The following AK7 variants were observed in gnomAD, a reference collection of about 807,000 sequenced individuals.
AK7 encodes the protein adenylate kinase 7, also known as ATP-AMP transphosphorylase 7.
In AK7, 78 loss-of-function variants were observed where a neutral mutation model predicts 96.6. The ratio of observed to expected loss-of-function variants is 0.81; its 90% CI spans 0.67 to 0.97. AK7 has a LOEUF of 0.97. Ranked by LOEUF, AK7 falls within the 50% of genes least tolerant of loss-of-function variation. The pLI, the probability that AK7 is intolerant of heterozygous loss-of-function variation, is 0.00. For synonymous variants in AK7, 302 were observed against 317.2 expected (o/e 0.95, Z 0.51); for missense variants, 855 against 887.9 (o/e 0.96, Z 0.47).
chr14:96,408,295 G>A (rs1488878352), intron 3 of AK7, among the ~76,000 whole-genome samples: 2 of 152,198 alleles, frequency 1.3e-5, no homozygotes, highest in African/African-American at 2.4e-5. Context: ...GGCATGGTGG[G>A]TACAGCATGG....
At chr14:96,427,255 C>CA (rs1015761513) in intron 5 of AK7, among the ~76,000 whole-genome samples, 11 of 151,162 alleles carry the variant, frequency 7.3e-5, no homozygotes, top group East Asian at 1.9e-4. Context: ...CAAAAACAAA[C>CA]AAAAAAAAAT....
At chr14:96,442,260 G>T (rs1302444065) in intron 6 of AK7, among the ~76,000 whole-genome samples, 1 of 152,172 alleles carries the variant, frequency 6.6e-6, no homozygotes, top group African/African-American at 2.4e-5. Context: ...TTCACCCCTG[G>T]ACTGATGGTA....
chr14:96,400,873 T>C (rs1024498585), intron 2 of AK7, among the ~76,000 whole-genome samples: 8 of 152,340 alleles, frequency 5.3e-5, no homozygotes, highest in Admixed American at 3.3e-4. Flanking sequence ...TGGGGTTCTG[T>C]TGGAGAAAAG....
intron 9 of AK7, among the ~76,000 whole-genome samples, chr14:96,450,963 A>G (rs987389861): frequency 2.0e-5 from 3 of 151,668 alleles, no homozygotes; most frequent in Non-Finnish European, 4.4e-5. Context: ...TTTAGTAGAG[A>G]CGAGGTTTCA....
Position 96,410,173 on chromosome 14 carries a change from T to C in AK7, c.498+1232T>C, listed in dbSNP as rs114547102. Among the ~76,000 whole-genome samples, 305 of 152,326 alleles carry C rather than the reference T, an allele frequency of 2.0e-3. 1 individual carries two copies. Among genetic ancestry groups the C allele is most frequent in the African/African-American group, 7.0e-3 (291 of 41,570 alleles). On this transcript the variant is annotated intron_variant, in intron 4 of 17. Transcript: ENST00000267584. ...TCTCCCCTGGTGGACTGAGAACCCC[T>C]TGAGGGCAGGGACCACAGGTTTCAT... is the stretch of plus-strand genomic sequence containing the variant.
chr14:96,420,165 C>G (rs543005295), intron 4 of AK7, among the ~76,000 whole-genome samples: 2 of 151,674 alleles, frequency 1.3e-5, no homozygotes, highest in Non-Finnish European at 2.9e-5. Context: ...TGCGCCTGGC[C>G]TCCTAAAGCA....
At chr14:96,479,868 C>T (rs74090324) in intron 15 of AK7, among the ~76,000 whole-genome samples, 5,584 of 152,182 alleles carry the variant, frequency 0.037, 161 homozygotes, top group African/African-American at 0.076. Context: ...CTCTCTACCC[C>T]CAACTGCCCA....
intron 10 of AK7, among the ~76,000 whole-genome samples, chr14:96,455,256 G>A (rs8015678): frequency 3.3e-5 from 5 of 152,222 alleles, no homozygotes; most frequent in Non-Finnish European, 5.9e-5. Flanking sequence ...AGGCTGAGGC[G>A]GGAGGATTCC....
chr14:96,446,492 G>T (rs754197364), intron 7 of AK7, 25 bp from the exon 8 acceptor site: 3 of 1,604,344 alleles, frequency 1.9e-6, no homozygotes, highest in East Asian at 4.5e-5. Context: ...TCCCTTTGAT[G>T]ATTATTTTAC....
At chr14:96,424,091 G>A (rs1228126299) in intron 5 of AK7, 2 of 684,488 alleles carry the variant, frequency 2.9e-6, no homozygotes, top group Admixed American at 3.9e-5. Context: ...ACCTGGGTGG[G>A]ATCGGGCACG....
intron 12 of AK7, among the ~76,000 whole-genome samples, chr14:96,463,127 A>T (rs1423265238): frequency 6.8e-6 from 1 of 147,870 alleles, no homozygotes; most frequent in East Asian, 1.9e-4. Context: ...ACAGGGCAAG[A>T]CTCCGCCTCA....
chr14:96,443,622 T>G (rs370309023), intron 7 of AK7, among the ~76,000 whole-genome samples: 193 of 152,276 alleles, frequency 1.3e-3, no homozygotes, highest in African/African-American at 4.5e-3. Flanking sequence ...AACCTAATTT[T>G]TATTATTTTT....
At chr14:96,423,975 G>T in intron 5 of AK7, 1 of 935,180 alleles carries the variant, frequency 1.1e-6, no homozygotes, top group Non-Finnish European at 1.8e-6. Flanking sequence ...GCCATTCCCT[G>T]TATTGGGGAT....
intron 6 of AK7, among the ~76,000 whole-genome samples, chr14:96,442,513 G>A (rs922434631): frequency 6.6e-6 from 1 of 151,830 alleles, no homozygotes; most frequent in African/African-American, 2.4e-5. Context: ...TATTTCTCTT[G>A]GCAGAATTTG....
intron 12 of AK7, 112 bp from the exon 13 acceptor site, chr14:96,471,366 A>G: frequency 2.2e-6 from 1 of 455,328 alleles, no homozygotes; most frequent in Non-Finnish European, 3.5e-6. Context: ...CAAAATAGGG[A>G]TTTCCAATAG....
chr14:96,456,670 G>A (rs1261709619), intron 11 of AK7, 195 bp downstream of exon 11: 3 of 514,716 alleles, frequency 5.8e-6, no homozygotes, highest in Non-Finnish European at 9.9e-6. Flanking sequence ...CCTGAGAAGA[G>A]TGTTGACCTT....
intron 8 of AK7, among the ~76,000 whole-genome samples, chr14:96,447,269 C>T (rs1221722985): frequency 6.6e-6 from 1 of 152,190 alleles, no homozygotes; most frequent in East Asian, 1.9e-4. Flanking sequence ...GTTCACCAAC[C>T]TACTGGCCAA....
chr14:96,467,279 A>G (rs1894621777), intron 12 of AK7, among the ~76,000 whole-genome samples: 2 of 152,018 alleles, frequency 1.3e-5, no homozygotes, highest in Non-Finnish European at 2.9e-5. Flanking sequence ...CATATTAATT[A>G]GATCAAATTG....
At chr14:96,402,372 C>T (rs936467400) in intron 2 of AK7, among the ~76,000 whole-genome samples, 1 of 152,168 alleles carries the variant, frequency 6.6e-6, no homozygotes, top group South Asian at 2.1e-4. Context: ...CCTGAAAATG[C>T]GGCTGTTTCA....
Sources: gnomAD v4.1 joint callset for allele counts (sites outside exome capture counted in the v4.1 genomes callset) on GRCh38, gnomAD v4.1.1 for gene constraint, MANE v1.5 for transcripts, NCBI Gene and HGNC (gene_info 2026-07-23, HGNC 2026-07-21) for gene names.